Variants in UGT1A10 observed in about 807,000 individuals in gnomAD.
The protein encoded by UGT1A10 is UDP glucuronosyltransferase family 1 member A10.
In UGT1A10, 49 loss-of-function variants were observed where a neutral mutation model predicts 45.8. That is an observed-to-expected ratio of 1.07 (90% confidence interval 0.85 to 1.36). The LOEUF is 1.36. Among genes scored for constraint, UGT1A10 ranks in the 40% most tolerant of loss-of-function variants. UGT1A10 has a pLI of 0.00. For missense variants in UGT1A10, 745 were observed against 668.6 expected (o/e 1.11, Z -1.26); for synonymous variants, 284 against 249.7 (o/e 1.14, Z -1.29).
chr2:233,719,742 A>T (rs2076802630), intron 1 of UGT1A10: 1 of 1,613,130 alleles, frequency 6.2e-7, no homozygotes, highest in Non-Finnish European at 8.5e-7. Flanking sequence ...CTTTTTAAAA[A>T]ATGTATTTAC....
rs529035115 is a variant in UGT1A10 at position 233,718,838 on chromosome 2, G to T, written c.856-48196G>T. The T allele has an allele frequency of 2.5e-6, 4 of 1,613,656 alleles. No individual in the cohort carries two copies. The South Asian group carries it at 4.4e-5, about 18-fold the overall frequency. ...CTGCTGAGATGGCCAGAGGACTCCA[G>T]GTTCCCCTGCCGCGGCTGGCCACAG... On this transcript the variant is annotated intron_variant, in intron 1 of 4. Coordinates refer to ENST00000344644, the MANE Select transcript of UGT1A10 (RefSeq NM_019075.4).
chr2:233,718,673 G>T lies in UGT1A10; in HGVS notation c.856-48361G>T. 3 of 1,556,294 alleles carry T rather than the reference G, an allele frequency of 1.9e-6. No individual in the cohort carries two copies. The Admixed American group carries it at 5.7e-5, about 30-fold the overall frequency. ...ACGAAAGGCAGTTATAGATTAATGG[G>T]TAATAAGTAACTGGAGGAGGGCACT... On this transcript the variant is annotated intron_variant, in intron 1 of 4. Transcript: ENST00000344644.
chr2:233,649,172 G>A (rs1197215936), intron 1 of UGT1A10: 3 of 437,426 alleles, frequency 6.9e-6, no homozygotes, highest in Non-Finnish European at 1.1e-5. Flanking sequence ...CCATCCACGT[G>A]TTTGTTGGTT....
intron 1 of UGT1A10, among the ~76,000 whole-genome samples, chr2:233,666,756 G>T (rs958405148): frequency 2.6e-5 from 4 of 151,488 alleles, no homozygotes; most frequent in African/African-American, 9.7e-5. Flanking sequence ...CCATTAACTC[G>T]TCATTTAACC....
chr2:233,721,741 A>C, intron 1 of UGT1A10: 1 of 434,764 alleles, frequency 2.3e-6, no homozygotes, highest in Non-Finnish European at 4.6e-6. Context: ...CTTAATGATG[A>C]GAGAATCTAC....
intron 1 of UGT1A10, chr2:233,719,815 A>G: frequency 6.3e-7 from 1 of 1,582,596 alleles, no homozygotes; most frequent in Non-Finnish European, 8.6e-7. Context: ...TTTATAACAG[A>G]TAAACTGTTG....
intron 1 of UGT1A10, among the ~76,000 whole-genome samples, chr2:233,731,531 G>A (rs1424894745): frequency 2.0e-5 from 3 of 152,100 alleles, no homozygotes; most frequent in African/African-American, 4.8e-5. Context: ...GAGAACATGC[G>A]GTGTTTGGTT....
chr2:233,644,286 T>A (rs1443821032), intron 1 of UGT1A10, among the ~76,000 whole-genome samples: 2 of 152,194 alleles, frequency 1.3e-5, no homozygotes, highest in Admixed American at 1.3e-4. Context: ...GCTCCCTCAA[T>A]GCTGGGCACG....
At chr2:233,749,984 G>T (rs1236503942) in intron 1 of UGT1A10, among the ~76,000 whole-genome samples, 1 of 151,836 alleles carries the variant, frequency 6.6e-6, no homozygotes, top group African/African-American at 2.4e-5. Flanking sequence ...TGTGAGAATG[G>T]ACTAATATAT....
At chr2:233,746,500 G>A (rs1693410791) in intron 1 of UGT1A10, among the ~76,000 whole-genome samples, 1 of 151,712 alleles carries the variant, frequency 6.6e-6, no homozygotes, top group African/African-American at 2.4e-5. Context: ...TCACTCTTTA[G>A]TAGCCCCCAA....
chr2:233,730,924 C>G (rs2078090552), intron 1 of UGT1A10, among the ~76,000 whole-genome samples: 1 of 152,176 alleles, frequency 6.6e-6, no homozygotes, highest in Non-Finnish European at 1.5e-5. Context: ...AGGCAGCTTT[C>G]ATTAATCCAG....
intron 1 of UGT1A10, among the ~76,000 whole-genome samples, chr2:233,745,792 G>A (rs1203318312): frequency 6.6e-6 from 1 of 151,102 alleles, no homozygotes; most frequent in Non-Finnish European, 1.5e-5. Context: ...AGGGGGGCTG[G>A]GGTCTATCCC....
At chr2:233,705,686 A>T (rs2075865672) in intron 1 of UGT1A10, among the ~76,000 whole-genome samples, 1 of 152,224 alleles carries the variant, frequency 6.6e-6, no homozygotes, top group Admixed American at 6.5e-5. Flanking sequence ...ATTCACAACG[A>T]CTGGTATAAA....
At chr2:233,760,764 C>G (rs199766420) in intron 1 of UGT1A10, 1 of 1,614,088 alleles carries the variant, frequency 6.2e-7, no homozygotes, top group Non-Finnish European at 8.5e-7. Flanking sequence ...GCAGCCCCAT[C>G]GTGGCCCAGT....
At position 233,769,393 on chromosome 2, in the gene UGT1A10, G is replaced by A. The variant is rs767407915; in HGVS notation, c.1295+954G>A. ...GATTTCATCCGACAATAGATACTGT[G>A]TGCATATGTGCGTGTGCGTTTGTGC... is the stretch of plus-strand genomic sequence containing the variant. On this transcript the variant is annotated intron_variant, in intron 4 of 4. Transcript: ENST00000344644. This position sits in a 1 kb window ranked among gnomAD's most constrained non-coding sequence, Gnocchi z 4.4. 2.7e-5 allele frequency: 30 copies of A among 1,098,632 alleles called. No homozygotes were observed. Among genetic ancestry groups the A allele is most frequent in the Non-Finnish European group, 3.5e-5 (26 of 750,310 alleles). 68.1% of individuals were successfully genotyped at this position (1,098,632 alleles called of 1,614,324 possible).
At chr2:233,669,882 A>T (rs1301526665) in intron 1 of UGT1A10, among the ~76,000 whole-genome samples, 3 of 151,992 alleles carry the variant, frequency 2.0e-5, no homozygotes, top group Non-Finnish European at 4.4e-5. Flanking sequence ...ATAGGGTTTC[A>T]CCATGTTGGC....
chr2:233,743,217 C>A, intron 1 of UGT1A10: 2 of 409,784 alleles, frequency 4.9e-6, no homozygotes, highest in Non-Finnish European at 9.6e-6. Context: ...AGTAACTGCT[C>A]TTTGCTATTT....
intron 1 of UGT1A10, chr2:233,672,142 C>T: frequency 6.2e-7 from 1 of 1,614,190 alleles, no homozygotes; most frequent in Non-Finnish European, 8.5e-7. Context: ...GGGAAGATCA[C>T]TGAATTGCAC....
At chr2:233,730,669 A>T (rs1310479965) in intron 1 of UGT1A10, among the ~76,000 whole-genome samples, 1 of 152,122 alleles carries the variant, frequency 6.6e-6, no homozygotes, top group African/African-American at 2.4e-5. Flanking sequence ...CGGAAGGCAA[A>T]GTAATGGTTG....
Sources: allele counts gnomAD v4.1 joint callset (sites outside exome capture counted in the v4.1 genomes callset), GRCh38; gene constraint gnomAD v4.1.1; non-coding constraint Gnocchi (gnomAD v3.1); transcripts MANE v1.5; gene names NCBI Gene and HGNC (gene_info 2026-07-23, HGNC 2026-07-21).